The following CNTFR variants were observed in gnomAD, a reference collection of about 807,000 sequenced individuals.
CNTFR encodes ciliary neurotrophic factor receptor subunit alpha.
In CNTFR, 12 loss-of-function variants were observed where a neutral mutation model predicts 40.4. The ratio of observed to expected loss-of-function variants is 0.30; its 90% CI spans 0.19 to 0.48. CNTFR has a LOEUF of 0.48. Among genes scored for constraint, CNTFR ranks in the 20% least tolerant of loss-of-function variants. The pLI is 0.99. For synonymous variants in CNTFR, 202 were observed against 209.6 expected (o/e 0.96, Z 0.31); for missense variants, 414 against 506.8 (o/e 0.82, Z 1.76).
rs377019545 is a variant in CNTFR at position 34,564,855 on chromosome 9, G to A, written c.86-23C>T. 13 of 1,605,288 alleles carry A rather than the reference G, an allele frequency of 8.1e-6. No homozygotes were observed. The African/African-American group carries it at 1.6e-4, about 20-fold the overall frequency. Reference sequence around the variant, plus strand: ...CCTCTGTGGGGGGTGGGGGCACAGGGCAAAAGTCACAGGTCACAGCCCGGC... The same window carrying A: ...CCTCTGTGGGGGGTGGGGGCACAGGACAAAAGTCACAGGTCACAGCCCGGC... On this transcript the variant is annotated intron_variant, in intron 3 of 9. Transcript: ENST00000378980.
intron 3 of CNTFR, among the ~76,000 whole-genome samples, chr9:34,566,821 T>C (rs1451705964): frequency 6.6e-6 from 1 of 151,844 alleles, no homozygotes; most frequent in East Asian, 1.9e-4. Context: ...TTACATACAA[T>C]GGCTATGGGA....
intron 1 of CNTFR, among the ~76,000 whole-genome samples, chr9:34,586,519 T>G (rs1055128382): frequency 5.3e-5 from 8 of 152,016 alleles, no homozygotes; most frequent in African/African-American, 1.7e-4. Context: ...TAAGAATGAT[T>G]GAGATGTGTG....
chr9:34,583,910 T>C (rs1325515098), intron 1 of CNTFR, among the ~76,000 whole-genome samples: 1 of 152,142 alleles, frequency 6.6e-6, no homozygotes, highest in African/African-American at 2.4e-5. Flanking sequence ...TGGGCTCCTC[T>C]GCCTTTTTGG....
chr9:34,586,949 C>T (rs1036947441), intron 1 of CNTFR, among the ~76,000 whole-genome samples: 16 of 152,200 alleles, frequency 1.1e-4, no homozygotes, highest in Non-Finnish European at 2.9e-5. Context: ...GACCATGAGT[C>T]CTAAGTTCCA....
intron 2 of CNTFR, among the ~76,000 whole-genome samples, chr9:34,577,419 G>A (rs1827032369): frequency 6.6e-6 from 1 of 152,244 alleles, no homozygotes; most frequent in South Asian, 2.1e-4. Flanking sequence ...CCAGGCAGCA[G>A]GGTGTAAGGA....
intron 2 of CNTFR, among the ~76,000 whole-genome samples, chr9:34,577,075 TCTAA>T (rs1379363952): frequency 2.6e-5 from 4 of 152,292 alleles, no homozygotes; most frequent in Admixed American, 6.5e-5. Flanking sequence ...GCGGTGCTCC[TCTAA>T]CTAACCACTG....
chr9:34,569,448 GC>G, intron 2 of CNTFR: 1 of 161,190 alleles, frequency 6.2e-6, no homozygotes, highest in Non-Finnish European at 1.4e-5. Flanking sequence ...TAGCTAATTA[GC>G]TATAAACATC....
In CNTFR at chr9:34,552,807, G is replaced by A. The variant is rs771631533; in HGVS notation, c.816C>T (p.Ala272=). 5.0e-6 allele frequency: 8 copies of A among 1,613,450 alleles called. No individual in the cohort carries two copies. The highest frequency in any genetic ancestry group is 1.1e-5 in the South Asian group (1 of 91,072). The part of the protein sequence containing the change: ...GTAHTITDAY[A]GKEYIIQVAA... ...CCACCTGGATAATGTACTCCTTCCC[G>A]GCGTAGGCATCTGTGATGGTGTGTG... Residue 272 remains alanine, a synonymous_variant, in exon 8 of 10, where the codon GCC becomes GCT. Transcript: ENST00000378980. This position sits in a 1 kb window ranked among gnomAD's most constrained non-coding sequence, Gnocchi z 5.1.
intron 2 of CNTFR, among the ~76,000 whole-genome samples, chr9:34,573,715 T>C (rs1826798684): frequency 6.6e-6 from 1 of 152,148 alleles, no homozygotes; most frequent in Admixed American, 6.5e-5. Context: ...GCACCTTTTA[T>C]CCTGGAGCCT....
At chr9:34,586,643 T>C (rs938054493) in intron 1 of CNTFR, among the ~76,000 whole-genome samples, 4 of 152,174 alleles carry the variant, frequency 2.6e-5, no homozygotes, top group African/African-American at 4.8e-5. Flanking sequence ...TGGGTATGCA[T>C]TGACATGGCA....
At chr9:34,579,984 G>T (rs554723613) in intron 2 of CNTFR, 5 of 152,078 alleles carry the variant, frequency 3.3e-5, no homozygotes, top group Non-Finnish European at 5.9e-5. Context: ...CAGGAAGAGG[G>T]TCAGGGCATC....
intron 1 of CNTFR, among the ~76,000 whole-genome samples, chr9:34,585,240 T>G (rs756460338): frequency 6.6e-6 from 1 of 152,134 alleles, no homozygotes; most frequent in Non-Finnish European, 1.5e-5. Context: ...TTGAGTCACG[T>G]AGAGCTCAGA....
Position 34,589,005 on chromosome 9 carries a change from C to T in CNTFR, c.-112+550G>A, listed in dbSNP as rs1388924462. ...GGAGGAGACCCACTACATGGAGATA[C>T]ATCCAGGCGGACTGAAGAGAAAACC... On this transcript the variant is annotated intron_variant, in intron 1 of 9. Transcript: ENST00000378980. This position sits in a 1 kb window ranked among gnomAD's most constrained non-coding sequence, Gnocchi z 4.4. Among the ~76,000 whole-genome samples the T allele has an allele frequency of 6.6e-6, 1 of 152,184 alleles. No homozygotes were observed. The highest frequency in any genetic ancestry group is 1.5e-5 in the Non-Finnish European group (1 of 68,020).
intron 1 of CNTFR, among the ~76,000 whole-genome samples, chr9:34,588,619 G>C (rs1426811170): frequency 6.6e-6 from 1 of 152,020 alleles, no homozygotes; most frequent in Non-Finnish European, 1.5e-5. Context: ...CAAAAAGAGA[G>C]ACTAGACGGA....
chr9:34,578,348 G>A (rs1827101012), intron 2 of CNTFR, among the ~76,000 whole-genome samples: 1 of 152,222 alleles, frequency 6.6e-6, no homozygotes, highest in Admixed American at 6.5e-5. Context: ...GAATCTAATT[G>A]TCTGAGTCAG....
Position 34,557,806 on chromosome 9 carries a change from G to GT in CNTFR, c.437+60dup. On this transcript the variant is annotated intron_variant, in intron 5 of 9. Transcript: ENST00000378980. The surrounding 1 kb of genome is among the most constrained non-coding windows in gnomAD (Gnocchi z 4.2). ...TGGGGTATGGACAGAGGGCATGGTGGTGGGATGGGGGAGAGGTCAGAGGTC... is the reference window on the plus strand; with the variant it reads ...TGGGGTATGGACAGAGGGCATGGTGGTTGGGATGGGGGAGAGGTCAGAGGTC... 1 of 1,542,888 alleles carries GT rather than the reference G, an allele frequency of 6.5e-7. No homozygotes were observed. The highest frequency in any genetic ancestry group is 8.9e-7 in the Non-Finnish European group (1 of 1,127,052).
At chr9:34,575,360 A>G (rs1826899550) in intron 2 of CNTFR, among the ~76,000 whole-genome samples, 1 of 152,120 alleles carries the variant, frequency 6.6e-6, no homozygotes, top group East Asian at 1.9e-4. Flanking sequence ...AGCACATTAG[A>G]CAGCTGGAAG....
chr9:34,564,295 T>C (rs1052260244), intron 4 of CNTFR, among the ~76,000 whole-genome samples: 6 of 152,130 alleles, frequency 3.9e-5, no homozygotes, highest in Non-Finnish European at 7.4e-5. Flanking sequence ...TCCCCACTCA[T>C]GTCCCAGGTG....
At chr9:34,575,451 G>T (rs1481866332) in intron 2 of CNTFR, among the ~76,000 whole-genome samples, 4 of 151,984 alleles carry the variant, frequency 2.6e-5, no homozygotes, top group African/African-American at 4.8e-5. Context: ...GTAAGGAAAG[G>T]CCCGAAGCGG....
Sources: allele counts gnomAD v4.1 joint callset (sites outside exome capture counted in the v4.1 genomes callset), GRCh38; gene constraint gnomAD v4.1.1; non-coding constraint Gnocchi (gnomAD v3.1); transcripts MANE v1.5; gene names NCBI Gene and HGNC (gene_info 2026-07-23, HGNC 2026-07-21).